Variants in ABCD3 observed in about 807,000 individuals in gnomAD.
The protein encoded by ABCD3 is ATP binding cassette subfamily D member 3.
In ABCD3, 41 loss-of-function variants were observed where a neutral mutation model predicts 105.5. The observed-to-expected ratio is 0.39, with a 90% CI of 0.30 to 0.50. The LOEUF (loss-of-function observed/expected upper bound fraction) is 0.50, where lower values mean the gene tolerates loss of function less well. Among genes scored for constraint, ABCD3 ranks in the 20% least tolerant of loss-of-function variants. The pLI is 0.84. For missense variants in ABCD3, 622 were observed against 806.3 expected, an observed-to-expected ratio of 0.77 and a Z score of 2.77; for synonymous variants, 258 against 269.0, an observed-to-expected ratio of 0.96 and a Z score of 0.40.
the ABCD3 span, among the ~76,000 whole-genome samples, chr1:94,405,149 T>C: frequency 6.6e-6 from 1 of 152,264 alleles, no homozygotes; most frequent in East Asian, 1.9e-4. Context: ...TACTTCCTAG[T>C]ATATGTAAAT....
At chr1:94,471,549 C>A (rs552426690) in intron 4 of ABCD3, among the ~76,000 whole-genome samples, 6 of 150,954 alleles carry the variant, frequency 4.0e-5, no homozygotes, top group Non-Finnish European at 7.4e-5. Flanking sequence ...ATATTCTTAA[C>A]CCACATTCAC....
chr1:94,430,718 A>G (rs916167423), intron 1 of ABCD3, among the ~76,000 whole-genome samples: 3 of 152,186 alleles, frequency 2.0e-5, no homozygotes, highest in African/African-American at 7.2e-5. Flanking sequence ...TTTTATCAGC[A>G]GTGTGAAAAC....
At chr1:94,424,313 G>A (rs1258433580) in intron 1 of ABCD3, among the ~76,000 whole-genome samples, 1 of 152,096 alleles carries the variant, frequency 6.6e-6, no homozygotes, top group Non-Finnish European at 1.5e-5. Context: ...TGTTTCCCCT[G>A]CCTGAAGTGC....
intron 20 of ABCD3, among the ~76,000 whole-genome samples, chr1:94,504,169 C>T (rs1650241060): frequency 6.6e-6 from 1 of 151,870 alleles, no homozygotes; most frequent in Non-Finnish European, 1.5e-5. Context: ...CCTCAGCCTC[C>T]CAAAGTGCTG....
the ABCD3 span, among the ~76,000 whole-genome samples, chr1:94,393,185 G>T: frequency 2.6e-5 from 4 of 152,200 alleles, no homozygotes; most frequent in South Asian, 8.3e-4. Context: ...ATGAGTCCTT[G>T]ACTAAAGAAC....
At chr1:94,509,474 C>T (rs1650547146) in intron 21 of ABCD3, among the ~76,000 whole-genome samples, 1 of 152,102 alleles carries the variant, frequency 6.6e-6, no homozygotes, top group African/African-American at 2.4e-5. Flanking sequence ...CTCTGCCTGG[C>T]TTTGGTATCA....
Position 94,494,819 on chromosome 1 carries a change from G to T in ABCD3, c.1386+3572G>T, listed in dbSNP as rs1393240004. Among the ~76,000 whole-genome samples, 4 of 152,158 alleles carry T rather than the reference G, an allele frequency of 2.6e-5. No homozygotes were observed. In the East Asian group the frequency reaches 7.7e-4, roughly 29 times the overall value. The stretch of plus-strand genomic sequence containing the variant: ...GAGGTAACAGCTTGCAGGTTACCAT[G>T]TGGGGATTAAAATAGTACTTTGTCC... On this transcript the variant is annotated intron_variant, in intron 16 of 22. Transcript: ENST00000370214.
At chr1:94,497,117 C>T (rs937936395) in intron 16 of ABCD3, among the ~76,000 whole-genome samples, 1 of 152,076 alleles carries the variant, frequency 6.6e-6, no homozygotes. Flanking sequence ...CTTAAAAATG[C>T]GGCTTTCCTC....
chr1:94,487,974 G>C lies in ABCD3; in HGVS notation c.1148G>C (p.Arg383Thr). The C allele has an allele frequency of 6.2e-7, 1 of 1,612,708 alleles. No homozygotes were observed. The highest frequency in any genetic ancestry group is 8.5e-7 in the Non-Finnish European group (1 of 1,178,928). The change falls in exon 13 of 23, where the codon AGA becomes ACA. Residue 383 changes from arginine to threonine, a missense_variant. Arg to Thr is a moderately conservative substitution (Grantham distance 71, BLOSUM62 -1). Transcript: ENST00000370214. ...GTTTTGGCTGGGCGTGAAATGACTA[G>C]ATTGGCCGGGTAAGATTAGTAATAA... ...RIVLAGREMTRLAGFTARITE... is the reference protein window; with the variant it reads ...RIVLAGREMTTLAGFTARITE...
At chr1:94,483,379 G>A (rs889739478) in intron 10 of ABCD3, 140 bp downstream of exon 10, 2 of 666,460 alleles carry the variant, frequency 3.0e-6, no homozygotes, top group African/African-American at 1.8e-5. Context: ...TTGAAAAATA[G>A]CTATAAAGGA....
chr1:94,417,179 T>C (rs1314004895), upstream of ABCD3, among the ~76,000 whole-genome samples: 1 of 152,168 alleles, frequency 6.6e-6, no homozygotes, highest in African/African-American at 2.4e-5. Context: ...ACATGACAAA[T>C]AGTGAATTAG....
the ABCD3 span, among the ~76,000 whole-genome samples, chr1:94,393,833 C>T: frequency 6.6e-6 from 1 of 152,040 alleles, no homozygotes; most frequent in African/African-American, 2.4e-5. Flanking sequence ...GAGATCTTTC[C>T]AATACGATTG....
At chr1:94,450,392 G>T (rs925095638) in intron 1 of ABCD3, among the ~76,000 whole-genome samples, 1 of 152,242 alleles carries the variant, frequency 6.6e-6, no homozygotes, top group African/African-American at 2.4e-5. Flanking sequence ...ACATGTTCCT[G>T]ATGGCCATGA....
chr1:94,492,064 CATGTGAA>C (rs1649559691), intron 16 of ABCD3, among the ~76,000 whole-genome samples: 1 of 151,390 alleles, frequency 6.6e-6, no homozygotes, highest in African/African-American at 2.4e-5. Context: ...AGATATTGAG[CATGTGAA>C]ATGTGACTAG....
chr1:94,434,054 A>C (rs1256305889), intron 1 of ABCD3, among the ~76,000 whole-genome samples: 2 of 152,194 alleles, frequency 1.3e-5, no homozygotes, highest in Non-Finnish European at 2.9e-5. Context: ...AGCTTGCAGG[A>C]CTGGAAGTTG....
chr1:94,396,813 G>T, the ABCD3 span, among the ~76,000 whole-genome samples: 75 of 152,222 alleles, frequency 4.9e-4, no homozygotes, highest in Non-Finnish European at 4.6e-4. Flanking sequence ...GCCTGGAACC[G>T]CATGATCTCC....
In ABCD3 at chr1:94,468,877, A is replaced by G. The variant is rs1405654758; in HGVS notation, c.335+870A>G. ...TGACTCATTTCTCTAGGACAGTAAA[A>G]AATCTTGTATGTATAAGGATTAAAG... is the stretch of plus-strand genomic sequence containing the variant. On this transcript the variant is annotated intron_variant, in intron 4 of 22. Coordinates refer to ENST00000370214, the MANE Select transcript of ABCD3 (RefSeq NM_002858.4). Among the ~76,000 whole-genome samples, 4 of 68,766 alleles carry G rather than the reference A, an allele frequency of 5.8e-5. No homozygotes were observed. The South Asian group carries it at 3.2e-3, about 56-fold the overall frequency. The allele number at this position is 68,766 out of a possible 152,430, so 45.1% of individuals were successfully genotyped here. A position where few individuals can be genotyped will look rare whatever the true frequency, so the allele number is the denominator to read the frequency against.
chr1:94,436,288 C>A (rs1377153351), intron 1 of ABCD3, among the ~76,000 whole-genome samples: 1 of 152,146 alleles, frequency 6.6e-6, no homozygotes, highest in Admixed American at 6.5e-5. Context: ...CCTTGTATCC[C>A]AAACTGATAA....
the ABCD3 span, among the ~76,000 whole-genome samples, chr1:94,398,601 A>G: frequency 6.6e-6 from 1 of 152,110 alleles, no homozygotes; most frequent in Non-Finnish European, 1.5e-5. Flanking sequence ...GATTCCTGGT[A>G]GCCTGATATA....
Sources: allele counts gnomAD v4.1 joint callset (sites outside exome capture counted in the v4.1 genomes callset), GRCh38; gene constraint gnomAD v4.1.1; transcripts MANE v1.5; gene names NCBI Gene and HGNC (gene_info 2026-07-23, HGNC 2026-07-21).